Variants in TACC2 observed in about 807,000 individuals in gnomAD.
TACC2 encodes transforming acidic coiled-coil-containing protein 2.
Under a neutral mutation model 227.3 loss-of-function variants are expected in TACC2, and 137 were observed. The ratio of observed to expected loss-of-function variants is 0.60; its 90% CI spans 0.52 to 0.69. The LOEUF (loss-of-function observed/expected upper bound fraction) is 0.69, where lower values mean the gene tolerates loss of function less well. Among genes scored for constraint, TACC2 ranks in the 30% least tolerant of loss-of-function variants. The pLI, the probability that TACC2 is intolerant of heterozygous loss-of-function variation, is 0.00. For missense variants in TACC2, 3,470 were observed against 3,694.4 expected, an observed-to-expected ratio of 0.94 and a Z score of 1.57; for synonymous variants, 1,523 against 1,487.5, an observed-to-expected ratio of 1.02 and a Z score of -0.55.
chr10:122,233,828 C>T (rs1252834057), intron 16 of TACC2, among the ~76,000 whole-genome samples: 3 of 152,164 alleles, frequency 2.0e-5, no homozygotes, highest in Non-Finnish European at 4.4e-5. Flanking sequence ...AGTGGTGCCA[C>T]CTGTGGGAGT....
intron 2 of TACC2, among the ~76,000 whole-genome samples, chr10:122,041,095 C>T (rs1338702682): frequency 6.6e-6 from 1 of 152,228 alleles, no homozygotes; most frequent in African/African-American, 2.4e-5. Context: ...TGCGAGCCGT[C>T]CCCAGGGTCT....
At chr10:122,048,422 T>TTCCC (rs1187792633) in intron 2 of TACC2, among the ~76,000 whole-genome samples, 11 of 130,692 alleles carry the variant, frequency 8.4e-5, no homozygotes, top group Admixed American at 5.0e-4. Context: ...CCTCCCTTCC[T>TTCCC]TCCCTCCTTG....
chr10:122,237,795 G>A (rs1002751283), intron 17 of TACC2, among the ~76,000 whole-genome samples, 166 bp from the exon 18 acceptor site: 1 of 152,208 alleles, frequency 6.6e-6, no homozygotes, highest in South Asian at 2.1e-4. Flanking sequence ...ATATCTGGCT[G>A]CTTTCTTTTT....
chr10:122,018,327 C>T (rs971756266), intron 1 of TACC2, among the ~76,000 whole-genome samples: 1 of 152,048 alleles, frequency 6.6e-6, no homozygotes, highest in African/African-American at 2.4e-5. Context: ...GCTGCAAATT[C>T]TTTTTTCAAA....
intron 5 of TACC2, among the ~76,000 whole-genome samples, chr10:122,122,491 C>T (rs1592265819): frequency 6.7e-6 from 1 of 148,278 alleles, no homozygotes. Context: ...AAAATAATTC[C>T]TTTTTTTTTT....
chr10:122,092,376 C>A (rs1036108499), intron 5 of TACC2, among the ~76,000 whole-genome samples: 4 of 152,160 alleles, frequency 2.6e-5, no homozygotes, highest in African/African-American at 9.7e-5. Flanking sequence ...AACACTGTTT[C>A]AAGTTACCTC....
intron 5 of TACC2, among the ~76,000 whole-genome samples, chr10:122,114,625 GC>G (rs1172865133): frequency 1.3e-5 from 2 of 152,138 alleles, no homozygotes; most frequent in African/African-American, 4.8e-5. Flanking sequence ...CAGCAAATAG[GC>G]CAGCAGCCAC....
In TACC2 at chr10:122,087,890, C is replaced by T. The variant is rs770753371; in HGVS notation, c.5390C>T (p.Pro1797Leu). 6.6e-7 allele frequency: 1 copy of T among 1,515,062 alleles called. No homozygotes were observed. Among genetic ancestry groups the T allele is most frequent in the Non-Finnish European group, 8.8e-7 (1 of 1,132,396 alleles). 93.9% of individuals were successfully genotyped at this position (1,515,062 alleles called of 1,614,324 possible). A position where few individuals can be genotyped will look rare whatever the true frequency, so the allele number is the denominator to read the frequency against. The stretch of plus-strand genomic sequence containing the variant: ...GATGGGAAGGTGTGCGTCTCCTCAC[C>T]TCCAGAGCCTGACGAAACTCACGAC... ...AGDGKVCVSS[P>L]PEPDETHDPK... Residue 1797 changes from proline (P) to leucine (L), a missense_variant, in exon 4 of 23, where the codon CCT becomes CTT. By Grantham distance (98) the Pro-to-Leu change is moderately conservative. This residue lies in a region of TACC2 where 1,924 missense variants were observed against 1,978.3 expected (regional missense o/e 0.97). Transcript: ENST00000369005.
chr10:122,241,885 G>C (rs1037621502), intron 18 of TACC2, 73 bp from the exon 19 acceptor site: 29 of 1,415,582 alleles, frequency 2.0e-5, no homozygotes, highest in Admixed American at 5.0e-5. Flanking sequence ...GGGTCAGGCT[G>C]TGGCGTCCAG....
intron 1 of TACC2, among the ~76,000 whole-genome samples, chr10:121,990,856 C>G (rs1008005038): frequency 6.6e-6 from 1 of 152,134 alleles, no homozygotes; most frequent in African/African-American, 2.4e-5. Context: ...GTTGCCTTCT[C>G]GGCTCACTGC....
chr10:122,215,140 A>G (rs997971884), intron 9 of TACC2, among the ~76,000 whole-genome samples: 6 of 152,200 alleles, frequency 3.9e-5, no homozygotes, highest in African/African-American at 1.4e-4. Context: ...TTTCTGGGTC[A>G]TTCTCCAAAA....
chr10:122,068,249 A>G (rs2077601825), intron 3 of TACC2, among the ~76,000 whole-genome samples: 1 of 152,184 alleles, frequency 6.6e-6, no homozygotes, highest in Non-Finnish European at 1.5e-5. Flanking sequence ...TATGGAATAC[A>G]GTTATAATTC....
At position 122,249,656 on chromosome 10, in the gene TACC2, G is replaced by A. The variant is rs2096211392; in HGVS notation, c.8773G>A (p.Glu2925Lys). ...AGTGGACGCCCTGGAAAGGACGCTGGAGCAGAAGGTAATAGGGGAGGGGTG... is the reference window on the plus strand; with the variant it reads ...AGTGGACGCCCTGGAAAGGACGCTGAAGCAGAAGGTAATAGGGGAGGGGTG... Reference protein sequence around the residue: ...LRVDALERTLEQKNKEIEELT... With the variant: ...LRVDALERTLKQKNKEIEELT... Residue 2925 changes from glutamate (E) to lysine (K), a missense_variant, in exon 22 of 23, where the codon GAG becomes AAG. Glu to Lys is a moderately conservative substitution (Grantham distance 56). Coordinates refer to ENST00000369005, the MANE Select transcript of TACC2 (RefSeq NM_206862.4). 8.1e-6 allele frequency: 13 copies of A among 1,613,222 alleles called. No homozygotes were observed. The highest frequency in any genetic ancestry group is 1.0e-5 in the Non-Finnish European group (12 of 1,179,682).
chr10:122,212,593 T>A (rs569803971), intron 9 of TACC2, among the ~76,000 whole-genome samples: 1 of 152,138 alleles, frequency 6.6e-6, no homozygotes. Flanking sequence ...AGGAGATCAG[T>A]CTCCCAGGGG....
At chr10:122,089,510 A>G (rs2080488501) in intron 5 of TACC2, among the ~76,000 whole-genome samples, 1 of 152,206 alleles carries the variant, frequency 6.6e-6, no homozygotes, top group Non-Finnish European at 1.5e-5. Context: ...AATGCCACCT[A>G]GTGTTATGCA....
chr10:122,156,552 T>C (rs1157722711), intron 7 of TACC2, among the ~76,000 whole-genome samples: 1 of 152,098 alleles, frequency 6.6e-6, no homozygotes. Context: ...TAAACAGTTC[T>C]GAGGGCTTCT....
chr10:122,180,258 C>A lies in TACC2; in HGVS notation c.5835-14782C>A, dbSNP rs186291080. On this transcript the variant is annotated intron_variant, in intron 7 of 22. Transcript: ENST00000369005. The surrounding 1 kb of genome is among the most constrained non-coding windows in gnomAD (Gnocchi z 4.5). ...AATGGCCTGAAGCCCATTCCTTGAA[C>A]CTGCCACCCTCCTTCCCCCTCCCAC... Among the ~76,000 whole-genome samples, 62 of 152,254 alleles carry A rather than the reference C, an allele frequency of 4.1e-4. No homozygotes were observed. Among genetic ancestry groups the A allele is most frequent in the Middle Eastern group, 3.4e-3 (1 of 294 alleles).
In TACC2 at chr10:122,013,418, A is replaced by G. The variant is rs373997957; in HGVS notation, c.-45-8519A>G. The stretch of plus-strand genomic sequence containing the variant: ...GCTGTTTGTTTGTATTAAAACGGGA[A>G]CATGATAACAGAGCTATTAGTAGCT... On this transcript the variant is annotated intron_variant, in intron 1 of 22. Transcript: ENST00000369005. Among the ~76,000 whole-genome samples, 239 of 152,310 alleles carry G rather than the reference A, an allele frequency of 1.6e-3. 6 individuals carry two copies. The South Asian group carries it at 0.047, about 30-fold the overall frequency.
At chr10:122,131,143 A>G (rs988846954) in intron 5 of TACC2, among the ~76,000 whole-genome samples, 2 of 145,666 alleles carry the variant, frequency 1.4e-5, no homozygotes, top group Non-Finnish European at 3.0e-5. Flanking sequence ...GAGCCACTGC[A>G]TTTCAGTCTG....
Sources: gnomAD v4.1 joint callset for allele counts (sites outside exome capture counted in the v4.1 genomes callset) on GRCh38, gnomAD v4.1.1 for gene constraint, gnomAD v4.1.1 regional missense constraint, Gnocchi (gnomAD v3.1) non-coding constraint, MANE v1.5 for transcripts, NCBI Gene and HGNC (gene_info 2026-07-23, HGNC 2026-07-21) for gene names.